Variants in FBXW11 observed in about 807,000 individuals in gnomAD.
FBXW11 encodes F-box/WD repeat-containing protein 11.
In FBXW11, 19 loss-of-function variants were observed where a neutral mutation model predicts 77.6. The ratio of observed to expected loss-of-function variants is 0.24; its 90% CI spans 0.17 to 0.36. The LOEUF (loss-of-function observed/expected upper bound fraction) is 0.36, where lower values mean the gene tolerates loss of function less well. FBXW11 is among the 10% of genes least tolerant of loss of function. The pLI is 1.00. For missense variants in FBXW11, 334 were observed against 704.2 expected (o/e 0.47, Z 5.95); for synonymous variants, 235 against 249.4 (o/e 0.94, Z 0.54).
chr5:171,934,471 G>T (rs1762369474), intron 2 of FBXW11, among the ~76,000 whole-genome samples: 1 of 152,012 alleles, frequency 6.6e-6, no homozygotes, highest in African/African-American at 2.4e-5. Context: ...TGAGGCCAGG[G>T]TTCAAGACCA....
chr5:172,002,676 GTTTC>G (rs1316277208), intron 1 of FBXW11, among the ~76,000 whole-genome samples: 13 of 135,882 alleles, frequency 9.6e-5, no homozygotes, highest in Admixed American at 7.2e-5. Context: ...TCATTTATTC[GTTTC>G]TTTCTTTTTT....
chr5:171,952,052 CA>C (rs1561715817), intron 2 of FBXW11, among the ~76,000 whole-genome samples: 1 of 152,042 alleles, frequency 6.6e-6, no homozygotes, highest in African/African-American at 2.4e-5. Context: ...AATCCAGAGC[CA>C]TTCTAAGTGA....
chr5:171,952,852 AT>A (rs369759578), intron 2 of FBXW11, among the ~76,000 whole-genome samples: 186 of 151,334 alleles, frequency 1.2e-3, no homozygotes, highest in South Asian at 2.1e-3. Context: ...ATATTATGAG[AT>A]TTTTTTTCTT....
At position 171,899,918 on chromosome 5, in the gene FBXW11, C is replaced by G. The variant is rs1469786219; in HGVS notation, c.619G>C (p.Gly207Arg). The G allele has an allele frequency of 6.2e-7, 1 of 1,605,460 alleles. No individual in the cohort carries two copies. Among genetic ancestry groups the G allele is most frequent in the African/African-American group, 1.3e-5 (1 of 74,590 alleles). Residue 207 changes from glycine (G) to arginine (R), a missense_variant, in exon 5 of 14, where the codon GGG becomes CGG. By Grantham distance (125) the Gly-to-Arg change is moderately radical. This residue lies in a region of FBXW11 where 56 missense variants were observed against 144.9 expected (regional missense o/e 0.39). Coordinates refer to ENST00000517395, the MANE Select transcript of FBXW11 (RefSeq NM_001378974.1). ...PLWKGLSERR[G>R]WDQYLFKNRP... ...ACAAGCAACCCAAGTACTTACCACC[C>G]TCTTCTTTCTGAAAGTCCTTTCCAT...
In FBXW11 at chr5:171,977,097, T is replaced by C. The variant is rs189123083; in HGVS notation, c.46-19399A>G. Among the ~76,000 whole-genome samples the C allele has an allele frequency of 1.8e-3, 266 of 150,350 alleles. 2 individuals are homozygous for C. Among genetic ancestry groups the C allele is most frequent in the Middle Eastern group, 0.014 (4 of 284 alleles). The stretch of plus-strand genomic sequence containing the variant: ...GCTCACGCCTGTAATCCCAGCAATT[T>C]AGGAGGATGAGACAGGAAGATCACT... On this transcript the variant is annotated intron_variant, in intron 1 of 13. Coordinates refer to ENST00000517395, the MANE Select transcript of FBXW11 (RefSeq NM_001378974.1).
At chr5:171,939,423 C>T (rs79503167) in intron 2 of FBXW11, among the ~76,000 whole-genome samples, 2,700 of 151,088 alleles carry the variant, frequency 0.018, 76 homozygotes, top group African/African-American at 0.063. Context: ...AATCCCCAGG[C>T]GTGGTGGCTA....
At chr5:171,933,789 ACT>A (rs1762340251) in intron 2 of FBXW11, among the ~76,000 whole-genome samples, 2 of 152,142 alleles carry the variant, frequency 1.3e-5, no homozygotes. Flanking sequence ...ATCAACTTAA[ACT>A]ACCTCAAACT....
At chr5:171,900,734 C>T (rs1453524453) in intron 4 of FBXW11, among the ~76,000 whole-genome samples, 1 of 152,208 alleles carries the variant, frequency 6.6e-6, no homozygotes, top group African/African-American at 2.4e-5. Flanking sequence ...ATCTCCCTTT[C>T]GTGAGTATCC....
intron 2 of FBXW11, among the ~76,000 whole-genome samples, chr5:171,924,067 G>A (rs920444782): frequency 5.7e-4 from 86 of 151,668 alleles, no homozygotes; most frequent in African/African-American, 2.0e-3. Flanking sequence ...TGGGACTACA[G>A]GCACCCGCCA....
At chr5:171,970,636 T>C (rs560661717) in intron 1 of FBXW11, among the ~76,000 whole-genome samples, 2 of 152,332 alleles carry the variant, frequency 1.3e-5, no homozygotes, top group South Asian at 2.1e-4. Flanking sequence ...TCCAAGTTAG[T>C]AGTGTTTTAA....
intron 2 of FBXW11, among the ~76,000 whole-genome samples, chr5:171,927,506 T>A (rs1284354472): frequency 6.6e-6 from 1 of 152,104 alleles, no homozygotes; most frequent in East Asian, 1.9e-4. Flanking sequence ...AATACACAAA[T>A]GAAGTTTTTT....
At chr5:171,867,860 A>C (rs998008099) in intron 13 of FBXW11, 6 of 152,204 alleles carry the variant, frequency 3.9e-5, no homozygotes, top group African/African-American at 1.2e-4. Context: ...ACATTTATTC[A>C]ATCTACAAAG....
intron 5 of FBXW11, 69 bp from the exon 6 acceptor site, chr5:171,899,163 G>A: frequency 1.0e-6 from 1 of 996,100 alleles, no homozygotes; most frequent in Non-Finnish European, 1.5e-6. Context: ...TAAACATGGT[G>A]CTGACAAAGA....
At chr5:172,005,700 G>T (rs1168387002) in intron 1 of FBXW11, among the ~76,000 whole-genome samples, 3 of 152,002 alleles carry the variant, frequency 2.0e-5, no homozygotes, top group Non-Finnish European at 4.4e-5. Flanking sequence ...TGATGAGGAT[G>T]GCTCCCTCCC....
intron 1 of FBXW11, among the ~76,000 whole-genome samples, chr5:171,985,747 G>C (rs1765402661): frequency 6.6e-6 from 1 of 151,988 alleles, no homozygotes; most frequent in Admixed American, 6.6e-5. Context: ...TTCAGTCTGG[G>C]GAACAGAGCA....
In FBXW11 at chr5:171,868,707, G is replaced by GA; in HGVS notation, c.1619dup (p.Asn542LysfsTer9). 6.2e-7 allele frequency: 1 copy of GA among 1,614,012 alleles called. No individual in the cohort carries two copies. The highest frequency in any genetic ancestry group is 8.5e-7 in the Non-Finnish European group (1 of 1,179,930). ...TCTGGGCACTGGGAGGCACATTTAA[G>GA]AAATCCCAAATCAAAATAGTGTCAT... On this transcript the variant is annotated frameshift_variant, in exon 13 of 14. Transcript: ENST00000517395. LOFTEE classifies it high-confidence loss of function.
At chr5:171,875,865 C>T (rs1383242651) in intron 9 of FBXW11, among the ~76,000 whole-genome samples, 1 of 152,154 alleles carries the variant, frequency 6.6e-6, no homozygotes, top group Non-Finnish European at 1.5e-5. Context: ...ATAAATAAAA[C>T]ATCTAAGCTC....
At chr5:171,867,193 T>G (rs752076160) in intron 13 of FBXW11, among the ~76,000 whole-genome samples, 1 of 152,170 alleles carries the variant, frequency 6.6e-6, no homozygotes, top group Non-Finnish European at 1.5e-5. Context: ...GTCAGCCAAC[T>G]TTTTCTGAAA....
chr5:171,913,876 A>ACACACAC (rs1306973817), intron 3 of FBXW11, among the ~76,000 whole-genome samples: 1 of 100,136 alleles, frequency 1.0e-5, no homozygotes, highest in Non-Finnish European at 2.2e-5. Context: ...CACACACACA[A>ACACACAC]CCTGGGAAAT....
Sources: gnomAD v4.1 joint callset for allele counts (sites outside exome capture counted in the v4.1 genomes callset) on GRCh38, gnomAD v4.1.1 for gene constraint, gnomAD v4.1.1 regional missense constraint, MANE v1.5 for transcripts, NCBI Gene and HGNC (gene_info 2026-07-23, HGNC 2026-07-21) for gene names.